Variants in SCN9A observed in about 807,000 individuals in gnomAD.
The protein encoded by SCN9A is sodium channel protein type 9 subunit alpha.
A neutral mutation model predicts 187.0 loss-of-function variants in SCN9A; 131 were observed. That is an observed-to-expected ratio of 0.70 (90% CI 0.61 to 0.81). The LOEUF (loss-of-function observed/expected upper bound fraction) is 0.81, where lower values mean the gene tolerates loss of function less well. Among genes scored for constraint, SCN9A ranks in the 30% least tolerant of loss-of-function variants. SCN9A has a pLI of 0.00. For synonymous variants in SCN9A, 809 were observed against 808.6 expected, an observed-to-expected ratio of 1.00 and a Z score of -0.01; for missense variants, 2,252 against 2,396.6, an observed-to-expected ratio of 0.94 and a Z score of 1.26.
At chr2:166,329,683 G>T (rs573830638) in intron 1 of SCN9A, among the ~76,000 whole-genome samples, 88 of 152,226 alleles carry the variant, frequency 5.8e-4, no homozygotes, top group African/African-American at 2.0e-3. Flanking sequence ...AGGGCTTACA[G>T]TCTGTTGGGG....
intron 1 of SCN9A, among the ~76,000 whole-genome samples, chr2:166,375,074 C>T (rs1411099290): frequency 6.6e-6 from 1 of 151,978 alleles, no homozygotes; most frequent in Non-Finnish European, 1.5e-5. Context: ...AAGTTGAATT[C>T]GATAAAAAGT....
At chr2:166,228,664 C>A in intron 22 of SCN9A, 27 bp downstream of exon 22, 1 of 1,562,008 alleles carries the variant, frequency 6.4e-7, no homozygotes, top group South Asian at 1.2e-5. Context: ...ATTAAAATAC[C>A]AAGCACTCAT....
intron 21 of SCN9A, among the ~76,000 whole-genome samples, chr2:166,232,735 GTA>G (rs753868931): frequency 2.4e-4 from 34 of 139,136 alleles, no homozygotes; most frequent in African/African-American, 6.4e-4. Context: ...TACTGTGTGT[GTA>G]TATATATATA....
chr2:166,239,799 A>C (rs779390121), intron 19 of SCN9A, among the ~76,000 whole-genome samples: 2 of 152,162 alleles, frequency 1.3e-5, no homozygotes, highest in African/African-American at 4.8e-5. Context: ...GTCAGAGCAG[A>C]GCCGCAGGAA....
chr2:166,365,359 CT>C (rs1317671489), intron 1 of SCN9A, among the ~76,000 whole-genome samples: 1 of 151,966 alleles, frequency 6.6e-6, no homozygotes, highest in African/African-American at 2.4e-5. Flanking sequence ...AAATTAGAAA[CT>C]TCTCAAACAT....
chr2:166,297,278 T>C (rs1456341145), intron 7 of SCN9A, among the ~76,000 whole-genome samples: 1 of 137,248 alleles, frequency 7.3e-6, no homozygotes, highest in Non-Finnish European at 1.5e-5. Context: ...GAACTGAAAA[T>C]TGAAAATGTA....
chr2:166,362,891 T>G (rs1281753204), intron 1 of SCN9A, among the ~76,000 whole-genome samples: 6 of 152,128 alleles, frequency 3.9e-5, no homozygotes, highest in Admixed American at 2.6e-4. Context: ...TGAATTGACC[T>G]GTTCATTTTT....
intron 17 of SCN9A, among the ~76,000 whole-genome samples, chr2:166,268,678 T>A (rs539582241): frequency 6.6e-6 from 1 of 152,102 alleles, no homozygotes; most frequent in South Asian, 2.1e-4. Flanking sequence ...AGACCTTAGA[T>A]GTAAGGTTTT....
At chr2:166,262,714 C>T (rs964182938) in intron 17 of SCN9A, among the ~76,000 whole-genome samples, 6 of 151,908 alleles carry the variant, frequency 3.9e-5, no homozygotes, top group Non-Finnish European at 7.4e-5. Context: ...TTTTCTTAAT[C>T]TTTTAGAATC....
rs946496831 is a variant in SCN9A at position 166,280,389 on chromosome 2, C to T, written c.2311G>A (p.Glu771Lys). 2.5e-6 allele frequency: 4 copies of T among 1,583,962 alleles called. No individual in the cohort carries two copies. The highest frequency in any genetic ancestry group is 1.8e-5 in the Admixed American group (1 of 55,902). The stretch of plus-strand genomic sequence containing the variant: ...CCTATAGCAAGTACATTTTTGAATT[C>T]CTCAGTCATTGGGTGGTGTTCCATA... ...MAMEHHPMTE[E>K]FKNVLAIGNL... The change falls in exon 14 of 27, where the codon GAA becomes AAA. Residue 771 changes from glutamate to lysine, a missense_variant. Glu to Lys is a moderately conservative substitution (Grantham distance 56). Around this residue, in one of 7 missense-constraint regions of SCN9A, gnomAD observed 1,013 missense variants for 997.4 expected, o/e 1.02. Transcript: ENST00000642356.
intron 1 of SCN9A, among the ~76,000 whole-genome samples, chr2:166,343,787 T>C (rs770785487): frequency 2.7e-5 from 4 of 148,868 alleles, no homozygotes; most frequent in Non-Finnish European, 5.9e-5. Context: ...CAGAGTGAGA[T>C]TGTGTTTCAA....
chr2:166,278,508 G>A (rs1697338382), intron 14 of SCN9A, among the ~76,000 whole-genome samples, 195 bp from the exon 15 acceptor site: 1 of 152,058 alleles, frequency 6.6e-6, no homozygotes, highest in Admixed American at 6.6e-5. Context: ...AGCATCAAAA[G>A]GTTGAAAAGC....
At chr2:166,335,182 A>G (rs1245625845) in intron 1 of SCN9A, among the ~76,000 whole-genome samples, 2 of 152,162 alleles carry the variant, frequency 1.3e-5, no homozygotes, top group African/African-American at 4.8e-5. Flanking sequence ...TTAGTAATTG[A>G]CCCAGGAATT....
chr2:166,367,070 C>G (rs1700434722), intron 1 of SCN9A, among the ~76,000 whole-genome samples: 1 of 152,002 alleles, frequency 6.6e-6, no homozygotes, highest in African/African-American at 2.4e-5. Flanking sequence ...AATATTTGTA[C>G]TCCTCCAATA....
Position 166,305,806 on chromosome 2 carries a change from G to A in SCN9A, c.582C>T (p.Val194=), listed in dbSNP as rs374594002. The A allele has an allele frequency of 6.2e-6, 10 of 1,612,946 alleles. No individual in the cohort carries two copies. Among genetic ancestry groups the A allele is most frequent in the African/African-American group, 4.0e-5 (3 of 74,764 alleles). Residue 194 remains valine (V), a synonymous_variant, in exon 5 of 27, where the codon GTC becomes GTT. Transcript: ENST00000642356. ...LRDPWNWLDF[V]VIVFAYLTEF... The stretch of plus-strand genomic sequence containing the variant: ...AAAGTACTTACGCAAAAACAATGAC[G>A]ACAAAATCCAGCCAGTTCCACGGGT...
chr2:166,260,416 G>A (rs893850592), intron 17 of SCN9A, among the ~76,000 whole-genome samples: 4 of 151,802 alleles, frequency 2.6e-5, no homozygotes, highest in Non-Finnish European at 5.9e-5. Flanking sequence ...ATACTGTAAG[G>A]TCTGGTCTAA....
At chr2:166,281,957 G>A (rs140570051) in intron 12 of SCN9A, 149 bp from the exon 13 acceptor site, 7 of 613,098 alleles carry the variant, frequency 1.1e-5, no homozygotes, top group Non-Finnish European at 1.9e-5. Flanking sequence ...CTTACTGGCT[G>A]TATATCATAG....
intron 20 of SCN9A, among the ~76,000 whole-genome samples, chr2:166,235,277 T>TAAG (rs144618959): frequency 0.021 from 3,139 of 152,270 alleles, 119 homozygotes; most frequent in African/African-American, 0.072. Context: ...TGCATATTAT[T>TAAG]AAGACTATGG....
chr2:166,209,483 TAC>T (rs570218645), intron 24 of SCN9A, among the ~76,000 whole-genome samples: 2 of 151,760 alleles, frequency 1.3e-5, no homozygotes, highest in Non-Finnish European at 2.9e-5. Context: ...AAAGAAACTA[TAC>T]ACACACACAC....
Sources: gnomAD v4.1 joint callset for allele counts (sites outside exome capture counted in the v4.1 genomes callset) on GRCh38, gnomAD v4.1.1 for gene constraint, gnomAD v4.1.1 regional missense constraint, MANE v1.5 for transcripts, NCBI Gene and HGNC (gene_info 2026-07-23, HGNC 2026-07-21) for gene names.